Variants in PRKCH observed in about 807,000 individuals in gnomAD.
PRKCH encodes the protein protein kinase C eta.
PRKCH carries 28 observed loss-of-function variants against 82.5 expected under a neutral mutation model. The ratio of observed to expected loss-of-function variants is 0.34; its 90% CI spans 0.25 to 0.47. The LOEUF (loss-of-function observed/expected upper bound fraction) is 0.47. PRKCH is among the 20% of genes least tolerant of loss of function. The pLI, the probability that PRKCH is intolerant of heterozygous loss-of-function variation, is 1.00. For synonymous variants in PRKCH, 322 were observed against 327.4 expected, an observed-to-expected ratio of 0.98 and a Z score of 0.18; for missense variants, 705 against 881.8, an observed-to-expected ratio of 0.80 and a Z score of 2.54.
chr14:61,297,268 A>T (rs1403599310), intron 1 of PRKCH, among the ~76,000 whole-genome samples: 1 of 152,220 alleles, frequency 6.6e-6, no homozygotes, highest in East Asian at 1.9e-4. Context: ...CCAATGTTAC[A>T]GTTTATTAAG....
rs2045800118 is a variant in PRKCH, at chr14:61,332,335, G to A, written c.363+9871G>A. On this transcript the variant is annotated intron_variant, in intron 1 of 13. Transcript: ENST00000332981. ...GTTGAGAATCATGGTCCTATCTGGAGATATTTATCAAGATTATTATGTTAG... is the reference window on the plus strand; with the variant it reads ...GTTGAGAATCATGGTCCTATCTGGAAATATTTATCAAGATTATTATGTTAG... 2.0e-5 allele frequency among the ~76,000 whole-genome samples: 3 copies of A among 152,194 alleles called. No individual in the cohort carries two copies. In the South Asian group the frequency reaches 6.2e-4, roughly 31 times the overall value.
chr14:61,232,483 A>C (rs2044752533), intron 1 of PRKCH, among the ~76,000 whole-genome samples: 1 of 152,244 alleles, frequency 6.6e-6, no homozygotes, highest in Non-Finnish European at 1.5e-5. Flanking sequence ...GGCCTCCCAA[A>C]GTGGTGGGAT....
At chr14:61,418,885 A>G (rs571420549) in intron 2 of PRKCH, among the ~76,000 whole-genome samples, 1 of 152,210 alleles carries the variant, frequency 6.6e-6, no homozygotes, top group South Asian at 2.1e-4. Context: ...GAAGCAATAT[A>G]TTTAACTTCT....
At chr14:61,431,893 T>G (rs1477888758) in intron 2 of PRKCH, among the ~76,000 whole-genome samples, 1 of 152,220 alleles carries the variant, frequency 6.6e-6, no homozygotes, top group Non-Finnish European at 1.5e-5. Flanking sequence ...TTGCATCTTC[T>G]TTAATTCATT....
At chr14:61,504,809 T>A (rs1198032932) in intron 10 of PRKCH, among the ~76,000 whole-genome samples, 1 of 152,182 alleles carries the variant, frequency 6.6e-6, no homozygotes, top group African/African-American at 2.4e-5. Context: ...GTCCTTTATA[T>A]GAGATGTTAA....
At chr14:61,308,504 T>C (rs944633416) in intron 1 of PRKCH, among the ~76,000 whole-genome samples, 1 of 152,262 alleles carries the variant, frequency 6.6e-6, no homozygotes, top group African/African-American at 2.4e-5. Context: ...TCACACCCAT[T>C]GTACCCATGA....
chr14:61,320,801 G>A (rs1454612179), upstream of PRKCH, among the ~76,000 whole-genome samples: 1 of 152,234 alleles, frequency 6.6e-6, no homozygotes, highest in African/African-American at 2.4e-5. Flanking sequence ...ACAAGCTGGA[G>A]TGTTCCTAGA....
chr14:61,388,569 G>T (rs1345423674), intron 1 of PRKCH, among the ~76,000 whole-genome samples: 31 of 152,214 alleles, frequency 2.0e-4, no homozygotes, highest in Non-Finnish European at 1.5e-5. Flanking sequence ...AGTAGTTTAT[G>T]TTGTGAGGTC....
rs1306075867 is a variant in PRKCH at position 61,279,911 on chromosome 14, G to A, written c.-19+92243G>A. 1.1e-5 allele frequency: 7 copies of A among 608,912 alleles called. No individual in the cohort carries two copies. In the East Asian group the frequency reaches 1.4e-4, roughly 12 times the overall value. 37.7% of individuals were successfully genotyped at this position (608,912 alleles called of 1,614,324 possible). A position where few individuals can be genotyped will look rare whatever the true frequency, so the allele number is the denominator to read the frequency against. ...CTCTGCAGTCAACATCCCTCCCCGC[G>A]GCAAGACAGTCTAGCAGCCCCCCAA... On this transcript the variant is annotated intron_variant, in intron 1 of 3. Coordinates refer to the PRKCH transcript ENST00000555185.
chr14:61,346,439 T>A (rs2045993146), intron 1 of PRKCH, among the ~76,000 whole-genome samples: 3 of 152,246 alleles, frequency 2.0e-5, no homozygotes, highest in Admixed American at 6.5e-5. Flanking sequence ...AGATAGTGTG[T>A]CATTTCCCAG....
rs552155515 is a variant in PRKCH at position 61,465,008 on chromosome 14, G to C, written c.1278+7329G>C. Among the ~76,000 whole-genome samples, 77 of 152,302 alleles carry C rather than the reference G, an allele frequency of 5.1e-4. 1 individual carries two copies. Among genetic ancestry groups the C allele is most frequent in the African/African-American group, 1.8e-3 (74 of 41,554 alleles). On this transcript the variant is annotated intron_variant, in intron 9 of 13. Coordinates refer to ENST00000332981, the MANE Select transcript of PRKCH (RefSeq NM_006255.5). Reference sequence around the variant, plus strand: ...GAACTAATTTACATTCCCACCACCTGTTGGCCATTTGTATGTCTTCTTTTG... The same window carrying C: ...GAACTAATTTACATTCCCACCACCTCTTGGCCATTTGTATGTCTTCTTTTG...
intron 1 of PRKCH, among the ~76,000 whole-genome samples, chr14:61,200,453 C>T (rs2044472200): frequency 6.6e-6 from 1 of 151,818 alleles, no homozygotes; most frequent in Non-Finnish European, 1.5e-5. Flanking sequence ...AGGGAATCTT[C>T]CAGGTATCTG....
chr14:61,481,635 T>A (rs1885976092), intron 9 of PRKCH, among the ~76,000 whole-genome samples: 1 of 152,172 alleles, frequency 6.6e-6, no homozygotes, highest in Admixed American at 6.5e-5. Flanking sequence ...TAATACACAC[T>A]CATCATAGAA....
At chr14:61,520,074 CAAAA>C (rs71992585) in intron 10 of PRKCH, among the ~76,000 whole-genome samples, 2 of 97,412 alleles carry the variant, frequency 2.1e-5, no homozygotes, top group East Asian at 2.5e-4. Context: ...CTACAGAAAC[CAAAA>C]AAAAAAAAAA....
At chr14:61,303,989 A>T (rs1298631386) in intron 1 of PRKCH, 5 of 152,092 alleles carry the variant, frequency 3.3e-5, no homozygotes, top group African/African-American at 1.2e-4. Context: ...ACAACTGAAG[A>T]CTGAAATTTA....
chr14:61,214,162 G>A (rs1259878170), intron 1 of PRKCH, among the ~76,000 whole-genome samples: 1 of 152,208 alleles, frequency 6.6e-6, no homozygotes, highest in Non-Finnish European at 1.5e-5. Flanking sequence ...TGGGCTGAAA[G>A]CTTGAGTATG....
At chr14:61,509,650 C>A (rs1424421036) in intron 10 of PRKCH, among the ~76,000 whole-genome samples, 2 of 152,096 alleles carry the variant, frequency 1.3e-5, no homozygotes, top group African/African-American at 4.8e-5. Context: ...TTTGGGAGGC[C>A]AGCGTGGGCA....
At chr14:61,441,567 TAC>T (rs1002632961) in intron 2 of PRKCH, among the ~76,000 whole-genome samples, 2 of 152,224 alleles carry the variant, frequency 1.3e-5, no homozygotes, top group Admixed American at 6.5e-5. Flanking sequence ...TGTTTGCACT[TAC>T]AGTTTTAGGA....
chr14:61,541,988 A>G (rs1316612557), intron 12 of PRKCH, among the ~76,000 whole-genome samples: 1 of 152,206 alleles, frequency 6.6e-6, no homozygotes, highest in African/African-American at 2.4e-5. Context: ...ATAGTTGCAC[A>G]TTAAAACCTA....
Sources: gnomAD v4.1 joint callset for allele counts (sites outside exome capture counted in the v4.1 genomes callset) on GRCh38, gnomAD v4.1.1 for gene constraint, MANE v1.5 for transcripts, NCBI Gene and HGNC (gene_info 2026-07-23, HGNC 2026-07-21) for gene names.